The following ENOX2 variants were observed in gnomAD, a reference collection of about 807,000 sequenced individuals.
ENOX2 encodes the protein ecto-NOX disulfide-thiol exchanger 2, also known as APK1 antigen.
Under a neutral mutation model 45.0 loss-of-function variants are expected in ENOX2, and 36 were observed. The observed-to-expected ratio is 0.80, with a 90% CI of 0.61 to 1.06. ENOX2 has a LOEUF of 1.06. ENOX2 is among the 50% of genes least tolerant of loss of function. The pLI, the probability that ENOX2 is intolerant of heterozygous loss-of-function variation, is 0.00. For missense variants in ENOX2, 423 were observed against 462.5 expected (o/e 0.91, Z 0.78); for synonymous variants, 174 against 152.3 (o/e 1.14, Z -1.05).
chrX:130,830,000 G>C (rs2077790799), intron 2 of ENOX2, among the ~76,000 whole-genome samples: 1 of 111,875 alleles, frequency 8.9e-6, no homozygotes, highest in East Asian at 2.8e-4. Context: ...TGAGAAAAGA[G>C]AGGCAGAGCA....
intron 3 of ENOX2, among the ~76,000 whole-genome samples, chrX:130,757,223 G>A (rs1192393840): frequency 9.0e-6 from 1 of 111,650 alleles, no homozygotes; most frequent in Admixed American, 9.5e-5. Flanking sequence ...GCATACCTGT[G>A]CTCATTCATA....
chrX:130,663,132 T>A (rs1377378394), intron 9 of ENOX2, among the ~76,000 whole-genome samples: 1 of 112,568 alleles, frequency 8.9e-6, no homozygotes. Context: ...AGGCTTGAAA[T>A]ATTAATGGCA....
intron 2 of ENOX2, among the ~76,000 whole-genome samples, chrX:130,811,888 AC>A (rs1293593953): frequency 8.9e-6 from 1 of 112,335 alleles, no homozygotes; most frequent in Non-Finnish European, 1.9e-5. Flanking sequence ...AAACAAACAA[AC>A]AAACAAATTC....
rs750237741 is a variant in ENOX2, at chrX:130,853,234, T to C, written c.-183+48450A>G. Among the ~76,000 whole-genome samples the C allele has an allele frequency of 3.7e-5, 4 of 108,567 alleles. No homozygotes were observed. The East Asian group carries it at 1.2e-3, about 32-fold the overall frequency. The allele number at this position is 108,567 out of a possible 115,157, so 94.3% of individuals were successfully genotyped here. A position where few individuals can be genotyped will look rare whatever the true frequency, so the allele number is the denominator to read the frequency against. ...GGCTCACGCCTGTAATCCCAGCACT[T>C]TGGGAGGCCGAGGCGGGCGGATCAC... On this transcript the variant is annotated intron_variant, in intron 2 of 14. Coordinates refer to ENST00000394363, the MANE Select transcript of ENOX2 (RefSeq NM_006375.4).
At chrX:130,876,799 G>C (rs1001756399) in intron 2 of ENOX2, among the ~76,000 whole-genome samples, 6 of 111,482 alleles carry the variant, frequency 5.4e-5, no homozygotes, top group African/African-American at 2.0e-4. Flanking sequence ...CTATGTCTAA[G>C]AGTAGGAGCT....
intron 13 of ENOX2, among the ~76,000 whole-genome samples, chrX:130,630,849 C>G (rs375954016): frequency 9.0e-6 from 1 of 111,104 alleles, no homozygotes; most frequent in East Asian, 2.8e-4. Context: ...ATGTTAAACT[C>G]TAACTTTGGG....
At chrX:130,841,168 A>T (rs1164718565) in intron 2 of ENOX2, among the ~76,000 whole-genome samples, 3 of 111,461 alleles carry the variant, frequency 2.7e-5, no homozygotes, top group Non-Finnish European at 3.8e-5. Context: ...ACACACACAC[A>T]TTTGCAGGGT....
intron 12 of ENOX2, 105 bp downstream of exon 12, chrX:130,634,879 T>A (rs943339256): frequency 2.2e-6 from 1 of 448,543 alleles, no homozygotes; most frequent in Non-Finnish European, 3.8e-6. Context: ...CGGCCAAAAA[T>A]GTTTGGCCCC....
intron 3 of ENOX2, among the ~76,000 whole-genome samples, chrX:130,712,032 T>C (rs1252885179): frequency 8.9e-6 from 1 of 111,841 alleles, no homozygotes; most frequent in African/African-American, 3.3e-5. Flanking sequence ...TGGAGCCAGA[T>C]AGATCTAAAA....
intron 3 of ENOX2, among the ~76,000 whole-genome samples, chrX:130,748,262 C>G (rs758526612): frequency 2.1e-4 from 23 of 112,043 alleles, no homozygotes; most frequent in Admixed American, 3.8e-4. Flanking sequence ...TTACTCCTTA[C>G]TTACATTGTC....
chrX:130,689,781 T>C (rs1360394181), intron 4 of ENOX2, among the ~76,000 whole-genome samples: 1 of 111,684 alleles, frequency 9.0e-6, no homozygotes, highest in Non-Finnish European at 1.9e-5. Context: ...TTATTTTGCA[T>C]TATTCTTTGT....
intron 4 of ENOX2, among the ~76,000 whole-genome samples, chrX:130,699,146 C>G (rs2037836223): frequency 8.9e-6 from 1 of 112,249 alleles, no homozygotes; most frequent in South Asian, 3.7e-4. Context: ...AGACAGCTGC[C>G]AGCCAGAGGG....
chrX:130,805,475 C>T (rs2077284422), intron 2 of ENOX2, among the ~76,000 whole-genome samples: 3 of 111,757 alleles, frequency 2.7e-5, no homozygotes, highest in Admixed American at 1.9e-4. Context: ...CCATTCTACG[C>T]TCTGCCTGTG....
At chrX:130,708,791 C>G (rs962017846) in intron 3 of ENOX2, among the ~76,000 whole-genome samples, 1 of 112,099 alleles carries the variant, frequency 8.9e-6, no homozygotes, top group Admixed American at 9.4e-5. Context: ...CAGGATACTA[C>G]TCTATTATTG....
At position 130,903,174 on chromosome X, in the gene ENOX2, C is replaced by T. The variant is rs188697900; in HGVS notation, c.-356G>A. The T allele has an allele frequency of 8.8e-6, 1 of 113,075 alleles. No homozygotes were observed. The highest frequency in any genetic ancestry group is 2.8e-4 in the East Asian group (1 of 3,539). The allele number at this position is 113,075 out of a possible 1,213,427, so 9.3% of individuals were successfully genotyped here. A position where few individuals can be genotyped will look rare whatever the true frequency, so the allele number is the denominator to read the frequency against. On this transcript the variant is annotated 5_prime_UTR_variant, in exon 1 of 15. Transcript: ENST00000394363. ...CGCCGCGCCACTCTCTTCCGAAATG[C>T]CCGCCTCGCGCTTCCAGGCCTAGAC...
At chrX:130,675,331 C>T (rs2037117789) in intron 6 of ENOX2, among the ~76,000 whole-genome samples, 1 of 111,812 alleles carries the variant, frequency 8.9e-6, no homozygotes, top group Non-Finnish European at 1.9e-5. Context: ...GAGATGGTAT[C>T]TCATTGTGGT....
intron 2 of ENOX2, among the ~76,000 whole-genome samples, chrX:130,799,269 A>G (rs1050721363): frequency 1.8e-5 from 2 of 111,570 alleles, no homozygotes; most frequent in Non-Finnish European, 3.8e-5. Context: ...TCAGACTCCA[A>G]GTTCTTCAGC....
chrX:130,725,682 T>C (rs931054551), intron 3 of ENOX2, among the ~76,000 whole-genome samples: 5 of 110,785 alleles, frequency 4.5e-5, no homozygotes, highest in Non-Finnish European at 9.4e-5. Context: ...CGTAAGGCTG[T>C]CTTTGCCATC....
At chrX:130,671,251 C>G (rs967153282) in intron 6 of ENOX2, among the ~76,000 whole-genome samples, 4 of 111,972 alleles carry the variant, frequency 3.6e-5, no homozygotes, top group Admixed American at 2.8e-4. Context: ...CCTTAAACAA[C>G]TAAAAATATG....
Sources: allele counts gnomAD v4.1 joint callset (sites outside exome capture counted in the v4.1 genomes callset), GRCh38; gene constraint gnomAD v4.1.1; transcripts MANE v1.5; gene names NCBI Gene and HGNC (gene_info 2026-07-23, HGNC 2026-07-21).